Variants in SNX14 observed in about 807,000 individuals in gnomAD.
SNX14 encodes sorting nexin-14.
In SNX14, 93 loss-of-function variants were observed where a neutral mutation model predicts 133.8. The observed-to-expected ratio is 0.70, with a 90% CI of 0.59 to 0.83. The LOEUF (loss-of-function observed/expected upper bound fraction) is 0.83. SNX14 is among the 40% of genes least tolerant of loss of function. The pLI is 0.00. For missense variants in SNX14, 945 were observed against 1,094.9 expected (o/e 0.86, Z 1.93); for synonymous variants, 368 against 365.6 (o/e 1.01, Z -0.07).
At chr6:85,532,552 C>T (rs1257281593) in intron 18 of SNX14, among the ~76,000 whole-genome samples, 1 of 152,160 alleles carries the variant, frequency 6.6e-6, no homozygotes, top group Non-Finnish European at 1.5e-5. Context: ...CTCTCAAAAC[C>T]ACTTTCTAAC....
intron 6 of SNX14, among the ~76,000 whole-genome samples, chr6:85,563,964 C>A (rs1000929644): frequency 7.2e-5 from 11 of 152,130 alleles, no homozygotes; most frequent in African/African-American, 2.4e-4. Flanking sequence ...ATGTTCCCCA[C>A]CCTGTGTCCA....
intron 1 of SNX14, among the ~76,000 whole-genome samples, chr6:85,587,651 G>A (rs72569403): frequency 3.3e-5 from 5 of 151,658 alleles, no homozygotes; most frequent in Admixed American, 1.3e-4. Flanking sequence ...TTGGAGAGAC[G>A]GGGTTCCGCC....
chr6:85,514,146 A>G lies in SNX14; in HGVS notation c.2481T>C (p.Thr827=). 6.2e-7 allele frequency: 1 copy of G among 1,614,078 alleles called. No individual in the cohort carries two copies. The highest frequency in any genetic ancestry group is 1.1e-5 in the South Asian group (1 of 91,074). ...ILFKNTLEMY[T]DYYLQCKLEQ... is the part of the protein sequence containing the mutation. ...CTAGTTTACACTGAAGATAGTAATC[A>G]GTATACATTTCCAGGGTGTTTTTAA... Residue 827 remains threonine, a synonymous_variant, in exon 25 of 29, where the codon ACT becomes ACC. Coordinates refer to ENST00000314673, the MANE Select transcript of SNX14 (RefSeq NM_153816.6).
At chr6:85,593,483 C>G in intron 1 of SNX14, 96 bp downstream of exon 1, 1 of 1,466,854 alleles carries the variant, frequency 6.8e-7, no homozygotes, top group Non-Finnish European at 9.0e-7. Flanking sequence ...TCCCCAGTCC[C>G]GCAGCTACGC....
chr6:85,574,666 G>A (rs567703583), intron 1 of SNX14, among the ~76,000 whole-genome samples: 57 of 152,244 alleles, frequency 3.7e-4, no homozygotes, highest in African/African-American at 1.3e-3. Context: ...ACCTTCTGAT[G>A]ATATTGTAGT....
In SNX14 at chr6:85,593,768, A is replaced by T. The variant is rs1453159135; in HGVS notation, c.-50T>A. ...GCGCTACTGGCTGAGGCAGAGGTCA[A>T]GGCGACCCCCCATCCACACCTCGCG... On this transcript the variant is annotated 5_prime_UTR_variant, in exon 1 of 29. It adds an upstream start codon to the 5' untranslated region. Transcript: ENST00000314673. 1 of 1,597,598 alleles carries T rather than the reference A, an allele frequency of 6.3e-7. No individual in the cohort carries two copies. Among genetic ancestry groups the T allele is most frequent in the African/African-American group, 1.4e-5 (1 of 72,780 alleles).
At chr6:85,554,715 T>C (rs1789062325) in intron 7 of SNX14, among the ~76,000 whole-genome samples, 1 of 152,180 alleles carries the variant, frequency 6.6e-6, no homozygotes, top group African/African-American at 2.4e-5. Flanking sequence ...ACTTTATAAT[T>C]GAGGATGATT....
At chr6:85,537,566 A>G (rs942658262) in intron 16 of SNX14, among the ~76,000 whole-genome samples, 1 of 152,186 alleles carries the variant, frequency 6.6e-6, no homozygotes, top group African/African-American at 2.4e-5. Context: ...AAAAGCAACA[A>G]GACAAATAAG....
intron 18 of SNX14, among the ~76,000 whole-genome samples, chr6:85,530,788 T>C (rs1180817382): frequency 1.3e-5 from 2 of 152,232 alleles, no homozygotes; most frequent in Non-Finnish European, 2.9e-5. Flanking sequence ...ATAAATTTCA[T>C]CTATTTATGA....
Position 85,514,599 on chromosome 6 carries a change from T to A in SNX14, c.2299A>T (p.Asn767Tyr), listed in dbSNP as rs150445663. ...LFNDLFKNNA[N>Y]RAENTERKQN... ...TTTCTCTCTGTATTTTCAGCACGGT[T>A]TGCATTATTTTTAAACAGATCATTG... The change falls in exon 24 of 29, where the codon AAC (asparagine) becomes TAC (tyrosine). Residue 767 changes from asparagine (N) to tyrosine (Y), a missense_variant. Around this residue, in one of 3 missense-constraint regions of SNX14, gnomAD observed 412 missense variants for 516.6 expected, o/e 0.80. Coordinates refer to ENST00000314673, the MANE Select transcript of SNX14 (RefSeq NM_153816.6). The A allele has an allele frequency of 1.2e-6, 2 of 1,612,310 alleles. No individual in the cohort carries two copies. Among genetic ancestry groups the A allele is most frequent in the African/African-American group, 2.7e-5 (2 of 74,876 alleles).
chr6:85,582,959 G>A (rs922709872), intron 1 of SNX14, among the ~76,000 whole-genome samples: 10 of 152,124 alleles, frequency 6.6e-5, no homozygotes, highest in Non-Finnish European at 1.3e-4. Context: ...ACCTGGCAGA[G>A]ACACAACAAA....
At chr6:85,552,480 T>G (rs1240429372) in intron 7 of SNX14, among the ~76,000 whole-genome samples, 1 of 151,890 alleles carries the variant, frequency 6.6e-6, no homozygotes, top group Non-Finnish European at 1.5e-5. Flanking sequence ...ACCCCCAGCA[T>G]GAAAATAAAG....
At chr6:85,566,376 A>G (rs1793836633) in intron 5 of SNX14, among the ~76,000 whole-genome samples, 1 of 152,172 alleles carries the variant, frequency 6.6e-6, no homozygotes, top group Admixed American at 6.5e-5. Flanking sequence ...CTCTGGGTGA[A>G]TTCAACTAGT....
chr6:85,524,933 C>G (rs1409320578), intron 21 of SNX14, among the ~76,000 whole-genome samples: 1 of 151,986 alleles, frequency 6.6e-6, no homozygotes, highest in Non-Finnish European at 1.5e-5. Flanking sequence ...TAATTGAATC[C>G]TTTGTTATAT....
intron 6 of SNX14, among the ~76,000 whole-genome samples, chr6:85,563,508 T>C (rs1209590023): frequency 1.3e-5 from 2 of 152,114 alleles, no homozygotes; most frequent in East Asian, 3.9e-4. Flanking sequence ...TCTCCTGCCT[T>C]GGCCTCCTGA....
Position 85,552,119 on chromosome 6 carries a change from C to T in SNX14, c.635-2240G>A, listed in dbSNP as rs1016157989. Among the ~76,000 whole-genome samples, 641 of 145,780 alleles carry T rather than the reference C, an allele frequency of 4.4e-3. 18 individuals are homozygous for T. Among genetic ancestry groups the T allele is most frequent in the Admixed American group, 0.042 (596 of 14,288 alleles). Reference sequence around the variant, plus strand: ...TGGCGGGATCTCGGCTCACTGCAAGCTCCGCCTCCCGGGTTCACGCCATTC... The same window carrying T: ...TGGCGGGATCTCGGCTCACTGCAAGTTCCGCCTCCCGGGTTCACGCCATTC... On this transcript the variant is annotated intron_variant, in intron 7 of 28. Transcript: ENST00000314673.
intron 7 of SNX14, among the ~76,000 whole-genome samples, chr6:85,550,227 G>T (rs568141109): frequency 1.3e-5 from 2 of 152,160 alleles, no homozygotes; most frequent in Admixed American, 6.6e-5. Flanking sequence ...AATATGTAAC[G>T]AAGTCATTCC....
intron 24 of SNX14, 96 bp downstream of exon 24, chr6:85,514,410 A>C (rs912517219): frequency 6.7e-7 from 1 of 1,493,446 alleles, no homozygotes; most frequent in Non-Finnish European, 9.1e-7. Flanking sequence ...TTCAATTAAA[A>C]AGACAGTTAT....
At chr6:85,507,131 G>T in intron 28 of SNX14, 102 bp downstream of exon 28, 1 of 1,072,144 alleles carries the variant, frequency 9.3e-7, no homozygotes, top group East Asian at 2.5e-5. Context: ...AAGAACCACA[G>T]AGAACAGAGA....
Sources: gnomAD v4.1 joint callset for allele counts (sites outside exome capture counted in the v4.1 genomes callset) on GRCh38, gnomAD v4.1.1 for gene constraint, gnomAD v4.1.1 regional missense constraint, MANE v1.5 for transcripts, NCBI Gene and HGNC (gene_info 2026-07-23, HGNC 2026-07-21) for gene names.